Variants in ATF7 observed in about 807,000 individuals in gnomAD.
The protein encoded by ATF7 is activating transcription factor 7.
In ATF7, 10 loss-of-function variants were observed where a neutral mutation model predicts 50.4. The ratio of observed to expected loss-of-function variants is 0.20; its 90% CI spans 0.12 to 0.34. The LOEUF (loss-of-function observed/expected upper bound fraction) is 0.34. Among genes scored for constraint, ATF7 ranks in the 10% least tolerant of loss-of-function variants. The pLI is 1.00. For synonymous variants in ATF7, 201 were observed against 226.4 expected (o/e 0.89, Z 1.01); for missense variants, 465 against 613.9 (o/e 0.76, Z 2.56).
At chr12:53,566,076 A>G (rs1187636612) in intron 2 of ATF7, among the ~76,000 whole-genome samples, 2 of 152,206 alleles carry the variant, frequency 1.3e-5, no homozygotes, top group Non-Finnish European at 2.9e-5. Flanking sequence ...TTCACTATCA[A>G]TGAGAGCAGC....
intron 2 of ATF7, among the ~76,000 whole-genome samples, chr12:53,577,403 G>C (rs990108024): frequency 6.6e-6 from 1 of 151,722 alleles, no homozygotes; most frequent in Admixed American, 6.6e-5. Context: ...GGTATAATAT[G>C]TGCATAATAG....
chr12:53,611,250 T>C (rs1943866363), intron 1 of ATF7, among the ~76,000 whole-genome samples: 2 of 152,112 alleles, frequency 1.3e-5, no homozygotes, highest in Non-Finnish European at 2.9e-5. Context: ...GTGGGCAGAT[T>C]ACGAGGTCAG....
intron 2 of ATF7, among the ~76,000 whole-genome samples, chr12:53,583,551 C>T (rs997820203): frequency 2.6e-5 from 4 of 151,918 alleles, no homozygotes; most frequent in African/African-American, 9.7e-5. Flanking sequence ...ATCCCCCCCA[C>T]CCCCAGTCCA....
At chr12:53,573,681 A>G (rs1941899381) in intron 2 of ATF7, among the ~76,000 whole-genome samples, 1 of 152,060 alleles carries the variant, frequency 6.6e-6, no homozygotes, top group Non-Finnish European at 1.5e-5. Flanking sequence ...ATAAGGGGGG[A>G]CTACTGGAAC....
At chr12:53,528,306 C>T (rs1938609922) in intron 9 of ATF7, among the ~76,000 whole-genome samples, 1 of 152,182 alleles carries the variant, frequency 6.6e-6, no homozygotes, top group Admixed American at 6.5e-5. Context: ...TCCTCTTTAT[C>T]TTTAGCTGAC....
rs1938239101 is a variant in ATF7 at position 53,523,361 on chromosome 12, A to G, written c.1149T>C (p.Asn383=). 1.2e-6 allele frequency: 2 copies of G among 1,613,696 alleles called. No homozygotes were observed. The highest frequency in any genetic ancestry group is 1.3e-5 in the African/African-American group (1 of 75,020). The change falls in exon 11 of 12, where the codon AAT becomes AAC. Residue 383 remains asparagine, a synonymous_variant. Coordinates refer to ENST00000420353, the MANE Select transcript of ATF7 (RefSeq NM_006856.3). The stretch of plus-strand genomic sequence containing the variant: ...GTAGCTGTTTCAACTGGGCCACCTC[A>G]TTGCGTAGTAATGTGACTTCATTCT... The part of the protein sequence containing the change: ...QLSNEVTLLR[N]EVAQLKQLLL...
At chr12:53,604,436 T>C (rs574910025) in intron 1 of ATF7, among the ~76,000 whole-genome samples, 144 of 152,306 alleles carry the variant, frequency 9.5e-4, no homozygotes, top group Non-Finnish European at 1.3e-3. Context: ...AAACAGATTA[T>C]TTATGTATAT....
chr12:53,509,641 G>A (rs559637508), downstream of ATF7, among the ~76,000 whole-genome samples: 2 of 151,916 alleles, frequency 1.3e-5, no homozygotes, highest in Admixed American at 6.6e-5. Flanking sequence ...AAGTAGCTGG[G>A]ATTACAGGCA....
intron 1 of ATF7, among the ~76,000 whole-genome samples, chr12:53,615,415 T>C (rs1944081351): frequency 6.6e-6 from 1 of 151,676 alleles, no homozygotes; most frequent in African/African-American, 2.4e-5. Context: ...AAAAAGAAAA[T>C]GCTGCTACAG....
chr12:53,615,553 A>G lies in ATF7; in HGVS notation c.-22+10726T>C, dbSNP rs1944086330. On this transcript the variant is annotated intron_variant, in intron 1 of 11. Coordinates refer to ENST00000420353, the MANE Select transcript of ATF7 (RefSeq NM_006856.3). ...ATGATTCATTTACAGTAATTACGTC[A>G]CATTCAACAAATCATCCTGATTTTA... Among the ~76,000 whole-genome samples the G allele has an allele frequency of 2.0e-5, 3 of 152,240 alleles. No individual in the cohort carries two copies. In the South Asian group the frequency reaches 6.2e-4, roughly 32 times the overall value.
chr12:53,578,400 TAAAG>T (rs1315308867), intron 2 of ATF7, among the ~76,000 whole-genome samples: 1 of 113,560 alleles, frequency 8.8e-6, no homozygotes, highest in Non-Finnish European at 1.9e-5. Flanking sequence ...GAAGGAAAAA[TAAAG>T]ACTTTCTCAA....
rs1309875882 is a variant in ATF7, at chr12:53,524,664, T to C, written c.1025A>G (p.Asn342Ser). The change falls in exon 10 of 12, where the codon AAC (asparagine) becomes AGC (serine). Residue 342 changes from asparagine to serine, a missense_variant. Transcript: ENST00000420353. The surrounding 1 kb of genome is among the most constrained non-coding windows in gnomAD (Gnocchi z 4.6). ...DERRQRFLER[N>S]RAAASRCRQK... ...GCGGCAGCGGGAGGCTGCAGCCCGG[T>C]TGCGCTCCAGAAAGCGCTGCCGTCG... 1.9e-6 allele frequency: 3 copies of C among 1,613,698 alleles called. No individual in the cohort carries two copies. The highest frequency in any genetic ancestry group is 8.5e-7 in the Non-Finnish European group (1 of 1,179,894).
chr12:53,621,519 C>T (rs1013930805), intron 1 of ATF7, among the ~76,000 whole-genome samples: 3 of 151,998 alleles, frequency 2.0e-5, no homozygotes, highest in African/African-American at 4.8e-5. Context: ...CGGTGGCTCA[C>T]GCCTGTAATC....
At chr12:53,549,813 T>C (rs1940211967) in intron 3 of ATF7, among the ~76,000 whole-genome samples, 1 of 152,002 alleles carries the variant, frequency 6.6e-6, no homozygotes, top group South Asian at 2.1e-4. Context: ...CTCGAACTCC[T>C]GATCTTGTGA....
At chr12:53,581,305 C>T (rs1942413126) in intron 2 of ATF7, among the ~76,000 whole-genome samples, 1 of 151,952 alleles carries the variant, frequency 6.6e-6, no homozygotes, top group South Asian at 2.1e-4. Context: ...GGCAGAAAAT[C>T]AGTAAGGACA....
intron 2 of ATF7, among the ~76,000 whole-genome samples, chr12:53,587,820 C>CATATATATATATATATATATAT (rs1242121330): frequency 1.6e-3 from 106 of 66,952 alleles, no homozygotes; most frequent in Non-Finnish European, 2.6e-3. Flanking sequence ...TATACTTCTA[C>CATATATATATATATATATATAT]ATATATATAT....
At chr12:53,593,555 T>C (rs1375008824) in intron 2 of ATF7, among the ~76,000 whole-genome samples, 1 of 152,214 alleles carries the variant, frequency 6.6e-6, no homozygotes, top group African/African-American at 2.4e-5. Flanking sequence ...TAATGTACAA[T>C]TTATTGGCAT....
intron 3 of ATF7, among the ~76,000 whole-genome samples, chr12:53,549,019 G>C (rs1412416329): frequency 6.6e-6 from 1 of 151,536 alleles, no homozygotes; most frequent in Admixed American, 6.6e-5. Context: ...GGGCACAGTG[G>C]CTTATGCCTG....
chr12:53,519,930 T>A lies in ATF7; in HGVS notation c.1235-2576A>T, dbSNP rs552558143. 7.9e-5 allele frequency among the ~76,000 whole-genome samples: 12 copies of A among 152,184 alleles called. No individual in the cohort carries two copies. In the East Asian group the frequency reaches 2.3e-3, roughly 30 times the overall value. ...CCTGGCTGATTTTTTTTATTTTTAG[T>A]AGAGATGGGGTTTCACCGTGTTAGC... On this transcript the variant is annotated intron_variant, in intron 11 of 11. Coordinates refer to ENST00000420353, the MANE Select transcript of ATF7 (RefSeq NM_006856.3).
Sources: gnomAD v4.1 joint callset for allele counts (sites outside exome capture counted in the v4.1 genomes callset) on GRCh38, gnomAD v4.1.1 for gene constraint, Gnocchi (gnomAD v3.1) non-coding constraint, MANE v1.5 for transcripts, NCBI Gene and HGNC (gene_info 2026-07-23, HGNC 2026-07-21) for gene names.